CD22: variants seen among roughly 807,000 people sequenced by gnomAD.
CD22 encodes CD22 molecule.
In CD22, 51 loss-of-function variants were observed where a neutral mutation model predicts 94.7. The observed-to-expected ratio is 0.54, with a 90% CI of 0.43 to 0.68. The LOEUF (loss-of-function observed/expected upper bound fraction) is 0.68. Ranked by LOEUF, CD22 falls within the 30% of genes least tolerant of loss-of-function variation. CD22 has a pLI of 0.00. For synonymous variants in CD22, 424 were observed against 422.5 expected (o/e 1.00, Z -0.04); for missense variants, 931 against 1,060.4 (o/e 0.88, Z 1.69).
chr19:35,335,293 C>T (rs1466212934), intron 3 of CD22, among the ~76,000 whole-genome samples: 6 of 152,096 alleles, frequency 3.9e-5, no homozygotes, highest in Non-Finnish European at 5.9e-5. Flanking sequence ...CAGTGGTTCC[C>T]GCCTGTAACC....
At chr19:35,339,721 G>C (rs1269499324) in intron 6 of CD22, among the ~76,000 whole-genome samples, 2 of 152,214 alleles carry the variant, frequency 1.3e-5, no homozygotes, top group African/African-American at 2.4e-5. Flanking sequence ...GCCGGGCATG[G>C]TGGCAGGCAC....
Position 35,346,684 on chromosome 19 carries a change from T to A in CD22, c.2531T>A (p.Ile844Asn). 1 of 1,609,268 alleles carries A rather than the reference T, an allele frequency of 6.2e-7. No homozygotes were observed. Among genetic ancestry groups the A allele is most frequent in the South Asian group, 1.1e-5 (1 of 90,152 alleles). ...PQAQENVDYV[I>N]LKH ...GCACAAGAAAATGTGGACTATGTGA[T>A]CCTCAAACATTGACACTGGATGGGC... Residue 844 changes from isoleucine to asparagine, a missense_variant, in exon 14 of 14, where the codon ATC becomes AAC. Ile to Asn is a moderately radical substitution (Grantham distance 149). Transcript: ENST00000085219.
intron 9 of CD22, among the ~76,000 whole-genome samples, chr19:35,342,918 C>T (rs1220374628): frequency 6.6e-6 from 1 of 152,116 alleles, no homozygotes; most frequent in Non-Finnish European, 1.5e-5. Context: ...TCACGCCATT[C>T]TCCTGCCTCA....
intron 6 of CD22, 46 bp from the exon 7 acceptor site, chr19:35,340,835 G>A: frequency 5.6e-6 from 9 of 1,611,662 alleles, no homozygotes; most frequent in African/African-American, 1.3e-5. Flanking sequence ...AAGGGGTACT[G>A]TGGACAGCTG....
At chr19:35,338,622 G>GTT (rs1459764714) in intron 6 of CD22, among the ~76,000 whole-genome samples, 191 bp downstream of exon 6, 2 of 151,660 alleles carry the variant, frequency 1.3e-5, no homozygotes, top group African/African-American at 4.8e-5. Flanking sequence ...GTAGATGCTT[G>GTT]TTTTTTTGTG....
At chr19:35,333,411 A>G (rs1446629933) in intron 3 of CD22, among the ~76,000 whole-genome samples, 2 of 152,180 alleles carry the variant, frequency 1.3e-5, no homozygotes, top group Non-Finnish European at 2.9e-5. Flanking sequence ...GGAACGGAGT[A>G]ACCACACTCC....
At chr19:35,333,960 C>T (rs2066681846) in intron 3 of CD22, among the ~76,000 whole-genome samples, 1 of 152,184 alleles carries the variant, frequency 6.6e-6, no homozygotes, top group Admixed American at 6.5e-5. Context: ...TCAGATGACA[C>T]TGTTGTTGAA....
Position 35,331,956 on chromosome 19 carries a change from A to G in CD22, c.-22-63A>G, listed in dbSNP as rs941837396. On this transcript the variant is annotated intron_variant, in intron 1 of 13. Transcript: ENST00000085219. ...AGGGTCGGAGCTCAGTGGGTGAGCA[A>G]GAAAAGCCACGTGGAAGAAGTAAGC... is the stretch of plus-strand genomic sequence containing the variant. 3.1e-6 allele frequency: 5 copies of G among 1,611,310 alleles called. No individual in the cohort carries two copies. The African/African-American group carries it at 6.7e-5, about 22-fold the overall frequency.
In CD22 at chr19:35,341,078, G is replaced by A. The variant is rs749363464; in HGVS notation, c.1447G>A (p.Ala483Thr). The change falls in exon 7 of 14, where the codon GCC (alanine) becomes ACC (threonine). Residue 483 changes from alanine to threonine, a missense_variant. By Grantham distance (58) the Ala-to-Thr change is moderately conservative. Coordinates refer to ENST00000085219, the MANE Select transcript of CD22 (RefSeq NM_001771.4). The surrounding 1 kb of genome is among the most constrained non-coding windows in gnomAD (Gnocchi z 4.0). The stretch of plus-strand genomic sequence containing the variant: ...CGTTGGCTGGGACAACACAACCATC[G>A]CCTGCGCAGCTTGTAATAGTTGGTG... ...QNVGWDNTTI[A>T]CAACNSWCSW... The A allele has an allele frequency of 8.7e-6, 14 of 1,614,034 alleles. No individual in the cohort carries two copies. Among genetic ancestry groups the A allele is most frequent in the Admixed American group, 8.3e-5 (5 of 60,006 alleles).
At chr19:35,339,643 G>A (rs1418946778) in intron 6 of CD22, among the ~76,000 whole-genome samples, 2 of 152,160 alleles carry the variant, frequency 1.3e-5, no homozygotes, top group African/African-American at 4.8e-5. Context: ...ATCACCTGAG[G>A]TCAGGAGTTC....
Position 35,345,056 on chromosome 19 carries a change from A to G in CD22, c.2138A>G (p.Lys713Arg). Reference sequence around the variant, plus strand: ...CATGTGCCTTTATTTCTCAGTTGGAAGAGGACACAGAGCCAGCAGGGGCTT... The same window carrying G: ...CATGTGCCTTTATTTCTCAGTTGGAGGAGGACACAGAGCCAGCAGGGGCTT... ...ICGLKLQRRWKRTQSQQGLQE... is the reference protein window; with the variant it reads ...ICGLKLQRRWRRTQSQQGLQE... The change falls in exon 11 of 14, where the codon AAG (lysine) becomes AGG (arginine). Residue 713 changes from lysine (K) to arginine (R), a missense_variant. Physicochemically the swap from Lys to Arg is conservative, Grantham distance 26. Transcript: ENST00000085219. 1.2e-6 allele frequency: 2 copies of G among 1,613,904 alleles called. No homozygotes were observed. The highest frequency in any genetic ancestry group is 2.2e-5 in the East Asian group (1 of 44,850).
intron 3 of CD22, among the ~76,000 whole-genome samples, chr19:35,333,686 G>A (rs2066678358): frequency 1.3e-5 from 2 of 152,034 alleles, no homozygotes; most frequent in Non-Finnish European, 2.9e-5. Flanking sequence ...AAAGTAGCTA[G>A]GATCACAGGT....
At position 35,338,357 on chromosome 19, in the gene CD22, G is replaced by A; in HGVS notation, c.1175G>A (p.Gly392Glu). Reference sequence around the variant, plus strand: ...CCAAAGATCCTCCCCTGGCACGCTGGGACTTATTCCTGTGTGGCAGAAAAC... The same window carrying A: ...CCAAAGATCCTCCCCTGGCACGCTGAGACTTATTCCTGTGTGGCAGAAAAC... Reference protein sequence around the residue: ...HIPKILPWHAGTYSCVAENIL... With the variant: ...HIPKILPWHAETYSCVAENIL... The change falls in exon 6 of 14, where the codon GGG becomes GAG. Residue 392 changes from glycine to glutamate, a missense_variant. By Grantham distance (98) the Gly-to-Glu change is moderately conservative (BLOSUM62 -2). Transcript: ENST00000085219. The A allele has an allele frequency of 6.2e-7, 1 of 1,614,210 alleles. No individual in the cohort carries two copies. Among genetic ancestry groups the A allele is most frequent in the Non-Finnish European group, 8.5e-7 (1 of 1,180,038 alleles).
In CD22 at chr19:35,337,949, G is replaced by T; in HGVS notation, c.913G>T (p.Gly305Trp). 1.9e-6 allele frequency: 3 copies of T among 1,614,228 alleles called. No individual in the cohort carries two copies. The highest frequency in any genetic ancestry group is 2.5e-6 in the Non-Finnish European group (3 of 1,180,028). Residue 305 changes from glycine (G) to tryptophan (W), a missense_variant, in exon 5 of 14, where the codon GGG (glycine) becomes TGG (tryptophan). By Grantham distance (184) the Gly-to-Trp change is radical. Transcript: ENST00000085219. The surrounding 1 kb of genome is among the most constrained non-coding windows in gnomAD (Gnocchi z 4.4). ...NLREVTKDQS[G>W]KYCCQVSNDV... is the part of the protein sequence containing the mutation. ...GCGCGAAGTGACCAAGGACCAGAGT[G>T]GGAAGTACTGCTGTCAGGTCTCCAA... is the stretch of plus-strand genomic sequence containing the variant.
In CD22 at chr19:35,332,079, G is replaced by A; in HGVS notation, c.34+5G>A. 1 of 1,614,000 alleles carries A rather than the reference G, an allele frequency of 6.2e-7. No individual in the cohort carries two copies. Among genetic ancestry groups the A allele is most frequent in the Non-Finnish European group, 8.5e-7 (1 of 1,179,930 alleles). On this transcript the variant is annotated splice_donor_5th_base_variant and intron_variant, in intron 2 of 13. Coordinates refer to ENST00000085219, the MANE Select transcript of CD22 (RefSeq NM_001771.4). ...GCCCCTGGCTCCTGCTCCTGGGTAA[G>A]GACTGTGGCCTGGGCTAGTACTGGG...
chr19:35,346,840 A>T lies in CD22; in HGVS notation c.*143A>T. 3.7e-6 allele frequency: 3 copies of T among 815,032 alleles called. No individual in the cohort carries two copies. The highest frequency in any genetic ancestry group is 3.2e-5 in the Admixed American group (1 of 31,640). The allele number at this position is 815,032 out of a possible 1,614,324, so 50.5% of individuals were successfully genotyped here. ...CACGCACACACACACACACACACTC[A>T]CTGCGGAGAACCTTGTGCCTGGCTC... is the stretch of plus-strand genomic sequence containing the variant. On this transcript the variant is annotated 3_prime_UTR_variant, in exon 14 of 14. Transcript: ENST00000085219.
chr19:35,342,969 C>T (rs1423768426), intron 9 of CD22, among the ~76,000 whole-genome samples: 1 of 152,158 alleles, frequency 6.6e-6, no homozygotes, highest in Non-Finnish European at 1.5e-5. Flanking sequence ...TGCCACCATG[C>T]CCGGCTAATT....
chr19:35,342,967 T>C (rs543442386), intron 9 of CD22, among the ~76,000 whole-genome samples: 7 of 152,040 alleles, frequency 4.6e-5, no homozygotes, highest in Non-Finnish European at 8.8e-5. Context: ...CCTGCCACCA[T>C]GCCCGGCTAA....
chr19:35,340,860 A>C (rs1599684881), intron 6 of CD22, 21 bp from the exon 7 acceptor site: 1 of 1,613,280 alleles, frequency 6.2e-7, no homozygotes, highest in Non-Finnish European at 8.5e-7. Context: ...TTCTTTACTC[A>C]CCTCTCTGGT....
Sources: gnomAD v4.1 joint callset for allele counts (sites outside exome capture counted in the v4.1 genomes callset) on GRCh38, gnomAD v4.1.1 for gene constraint, Gnocchi (gnomAD v3.1) non-coding constraint, MANE v1.5 for transcripts, NCBI Gene and HGNC (gene_info 2026-07-23, HGNC 2026-07-21) for gene names.